FKBP3: variants seen among roughly 807,000 people sequenced by gnomAD.
FKBP3 encodes FKBP prolyl isomerase 3.
In FKBP3, 21 loss-of-function variants were observed where a neutral mutation model predicts 30.6. That is an observed-to-expected ratio of 0.69 (90% CI 0.49 to 0.99). The LOEUF (loss-of-function observed/expected upper bound fraction) is 0.99. Among genes scored for constraint, FKBP3 ranks in the 50% least tolerant of loss-of-function variants. The probability of loss-of-function intolerance (pLI) is 0.00; values close to 1 mark genes in which losing one functional copy is unlikely to be tolerated. For synonymous variants in FKBP3, 82 were observed against 91.3 expected, an observed-to-expected ratio of 0.90 and a Z score of 0.58; for missense variants, 283 against 261.6, an observed-to-expected ratio of 1.08 and a Z score of -0.56.
At chr14:45,125,372 T>C (rs1176379927) in intron 3 of FKBP3, among the ~76,000 whole-genome samples, 4 of 152,210 alleles carry the variant, frequency 2.6e-5, no homozygotes, top group African/African-American at 9.7e-5. Context: ...ATGAATGGCT[T>C]TGGGATATAT....
chr14:45,116,501 T>C (rs2016738), intron 6 of FKBP3, among the ~76,000 whole-genome samples: 9 of 151,296 alleles, frequency 5.9e-5, no homozygotes, highest in African/African-American at 1.2e-4. Flanking sequence ...TATATACATA[T>C]AGAGAGAGAG....
intron 1 of FKBP3, among the ~76,000 whole-genome samples, chr14:45,132,546 C>G (rs570748419): frequency 6.6e-6 from 1 of 151,938 alleles, no homozygotes; most frequent in Non-Finnish European, 1.5e-5. Flanking sequence ...TAGAGGCGCC[C>G]ACCACCAGGC....
rs765778630 is a variant in FKBP3, at chr14:45,118,028, T to C, written c.620A>G (p.Lys207Arg). The C allele has an allele frequency of 2.6e-6, 4 of 1,566,236 alleles. No homozygotes were observed. Among genetic ancestry groups the C allele is most frequent in the Non-Finnish European group, 2.6e-6 (3 of 1,151,440 alleles). Residue 207 changes from lysine to arginine, a missense_variant and splice_region_variant, in exon 6 of 7, where the codon AAA (lysine) becomes AGA (arginine). Lys to Arg is a conservative substitution (Grantham distance 26). Transcript: ENST00000396062. ...AYGKKGQPDAKIPPNAKLTFE... is the reference protein window; with the variant it reads ...AYGKKGQPDARIPPNAKLTFE... The stretch of plus-strand genomic sequence containing the variant: ...AATTATGAAGGGGAAAAAAGGATAC[T>C]TGGCATCAGGCTGTCCTTTCTTTCC...
At chr14:45,129,936 C>A (rs777244586) in intron 2 of FKBP3, 35 bp from the exon 3 acceptor site, 34 of 1,361,640 alleles carry the variant, frequency 2.5e-5, no homozygotes, top group Non-Finnish European at 9.2e-6. Context: ...ATACCCAGGA[C>A]AGGCTAAAAC....
rs569246956 is a variant in FKBP3 at position 45,132,369 on chromosome 14, T to C, written c.109-1569A>G. On this transcript the variant is annotated intron_variant, in intron 1 of 6. Coordinates refer to ENST00000396062, the MANE Select transcript of FKBP3 (RefSeq NM_002013.4). Reference sequence around the variant, plus strand: ...TTAATAAAATAATTATTGTCAAGTATAGGTCTAAGTGTTAATGATCACCGG... The same window carrying C: ...TTAATAAAATAATTATTGTCAAGTACAGGTCTAAGTGTTAATGATCACCGG... Among the ~76,000 whole-genome samples, 48 of 152,188 alleles carry C rather than the reference T, an allele frequency of 3.2e-4. 1 individual carries two copies. Among genetic ancestry groups the C allele is most frequent in the Admixed American group, 1.1e-3 (17 of 15,284 alleles).
At chr14:45,133,149 G>A (rs953151939) in intron 1 of FKBP3, among the ~76,000 whole-genome samples, 4 of 152,078 alleles carry the variant, frequency 2.6e-5, no homozygotes, top group African/African-American at 9.7e-5. Flanking sequence ...CATGACGCCC[G>A]CCCAAAATGA....
chr14:45,120,803 TC>T, intron 5 of FKBP3, 83 bp downstream of exon 5: 2 of 1,098,750 alleles, frequency 1.8e-6, no homozygotes, highest in East Asian at 4.7e-5. Context: ...TTGTATTATA[TC>T]CCCAAACCTA....
chr14:45,128,337 A>C (rs1171234071), intron 3 of FKBP3, among the ~76,000 whole-genome samples: 1 of 152,174 alleles, frequency 6.6e-6, no homozygotes, highest in Non-Finnish European at 1.5e-5. Context: ...TCAAAGACAA[A>C]AACAAAAACA....
intron 5 of FKBP3, among the ~76,000 whole-genome samples, chr14:45,118,702 T>TA (rs571319011): frequency 3.3e-5 from 5 of 152,078 alleles, no homozygotes; most frequent in Non-Finnish European, 7.4e-5. Flanking sequence ...GAAAACCAGT[T>TA]AGTTATTAGC....
intron 5 of FKBP3, among the ~76,000 whole-genome samples, chr14:45,119,390 A>G (rs1158407161): frequency 1.3e-5 from 2 of 152,036 alleles, no homozygotes; most frequent in Non-Finnish European, 2.9e-5. Flanking sequence ...CCTGACCAAC[A>G]TGATGAAACC....
intron 1 of FKBP3, among the ~76,000 whole-genome samples, chr14:45,133,617 C>T (rs779496170): frequency 6.6e-6 from 1 of 152,210 alleles, no homozygotes; most frequent in Non-Finnish European, 1.5e-5. Flanking sequence ...CATGAATGAA[C>T]TTATTTTCCA....
At chr14:45,118,526 G>A (rs1884908270) in intron 5 of FKBP3, among the ~76,000 whole-genome samples, 1 of 152,046 alleles carries the variant, frequency 6.6e-6, no homozygotes, top group South Asian at 2.1e-4. Flanking sequence ...AGCTACTCGG[G>A]AGGCTGAGGC....
At chr14:45,124,532 T>TA (rs955651790) in intron 3 of FKBP3, among the ~76,000 whole-genome samples, 7 of 148,576 alleles carry the variant, frequency 4.7e-5, no homozygotes, top group Non-Finnish European at 6.0e-5. Flanking sequence ...AACTCTGTCT[T>TA]AAAAAAAAAA....
At chr14:45,130,430 C>T (rs1283566592) in intron 2 of FKBP3, among the ~76,000 whole-genome samples, 1 of 152,144 alleles carries the variant, frequency 6.6e-6, no homozygotes, top group Non-Finnish European at 1.5e-5. Flanking sequence ...TACCACTGAC[C>T]TAATGAATTT....
chr14:45,130,049 A>G (rs1468420467), intron 2 of FKBP3, 148 bp from the exon 3 acceptor site: 1 of 458,992 alleles, frequency 2.2e-6, no homozygotes, highest in African/African-American at 2.0e-5. Flanking sequence ...TAAGGAAACG[A>G]AGAGCAAAGA....
chr14:45,121,452 A>C (rs1340348352), intron 4 of FKBP3, 33 bp downstream of exon 4: 1 of 1,590,710 alleles, frequency 6.3e-7, no homozygotes, highest in East Asian at 2.2e-5. Context: ...GAATCTCTTT[A>C]AGCCAAAAAC....
At chr14:45,121,824 A>T (rs1381160780) in intron 3 of FKBP3, among the ~76,000 whole-genome samples, 5 of 152,354 alleles carry the variant, frequency 3.3e-5, no homozygotes, top group African/African-American at 1.2e-4. Context: ...TTAATTTCAA[A>T]TAACTTCCAG....
Position 45,130,665 on chromosome 14 carries a change from T to C in FKBP3, c.210+34A>G, listed in dbSNP as rs376977691. 4.0e-6 allele frequency: 5 copies of C among 1,240,092 alleles called. No individual in the cohort carries two copies. The African/African-American group carries it at 7.7e-5, about 19-fold the overall frequency. 76.8% of individuals were successfully genotyped at this position (1,240,092 alleles called of 1,614,324 possible). A position where few individuals can be genotyped will look rare whatever the true frequency, so the allele number is the denominator to read the frequency against. The stretch of plus-strand genomic sequence containing the variant: ...TTTTTTGGAAATAAAATTTCAAAAG[T>C]GATGTTCTGCTAACAGAATCTAACA... On this transcript the variant is annotated intron_variant, in intron 2 of 6. Transcript: ENST00000396062.
chr14:45,128,318 G>C (rs1041418821), intron 3 of FKBP3, among the ~76,000 whole-genome samples: 1 of 152,098 alleles, frequency 6.6e-6, no homozygotes, highest in Non-Finnish European at 1.5e-5. Flanking sequence ...GCCTGGGTGA[G>C]ACTTTGTCTC....
Sources: allele counts gnomAD v4.1 joint callset (sites outside exome capture counted in the v4.1 genomes callset), GRCh38; gene constraint gnomAD v4.1.1; transcripts MANE v1.5; gene names NCBI Gene and HGNC (gene_info 2026-07-23, HGNC 2026-07-21).